The following QKI variants were observed in gnomAD, a reference collection of about 807,000 sequenced individuals.
QKI encodes the protein QKI, KH domain containing RNA binding, also known as KH domain-containing RNA-binding protein QKI.
A neutral mutation model predicts 39.0 loss-of-function variants in QKI; 10 were observed. That is an observed-to-expected ratio of 0.26 (90% confidence interval 0.16 to 0.43). The LOEUF is 0.43. Ranked by LOEUF, QKI falls within the 20% of genes least tolerant of loss-of-function variation. The pLI, the probability that QKI is intolerant of heterozygous loss-of-function variation, is 1.00. For missense variants in QKI, 218 were observed against 428.0 expected (o/e 0.51, Z 4.33); for synonymous variants, 204 against 155.4 (o/e 1.31, Z -2.33).
chr6:163,489,829 T>G (rs141632983), intron 3 of QKI, among the ~76,000 whole-genome samples: 9 of 152,256 alleles, frequency 5.9e-5, no homozygotes, highest in Non-Finnish European at 1.2e-4. Flanking sequence ...ACATATAATT[T>G]TTATGTCTTG....
intron 3 of QKI, among the ~76,000 whole-genome samples, chr6:163,525,738 A>C (rs1475386981): frequency 1.3e-5 from 2 of 152,184 alleles, no homozygotes; most frequent in African/African-American, 4.8e-5. Flanking sequence ...TATTGTATTT[A>C]GCCTTTCTTC....
intron 4 of QKI, among the ~76,000 whole-genome samples, chr6:163,560,633 TG>T (rs1782936064): frequency 6.6e-6 from 1 of 152,170 alleles, no homozygotes; most frequent in Non-Finnish European, 1.5e-5. Flanking sequence ...CTTACATACG[TG>T]TGTAAAGTAG....
intron 1 of QKI, among the ~76,000 whole-genome samples, chr6:163,450,757 C>CA (rs1276154292): frequency 6.6e-6 from 1 of 151,518 alleles, no homozygotes; most frequent in African/African-American, 2.4e-5. Flanking sequence ...AAAGTAAATT[C>CA]AAAAAATTGT....
intron 1 of QKI, among the ~76,000 whole-genome samples, chr6:163,421,659 T>C (rs1788000941): frequency 7.6e-6 from 1 of 131,020 alleles, no homozygotes; most frequent in Admixed American, 7.2e-5. Flanking sequence ...AACACAGGTG[T>C]GTCTTTTAAT....
At chr6:163,534,585 A>G (rs7746116) in intron 3 of QKI, among the ~76,000 whole-genome samples, 99,290 of 151,988 alleles carry the variant, frequency 0.65, 33,547 homozygotes, top group East Asian at 1. Flanking sequence ...CTGTTTACTT[A>G]TAAGTAAAAT....
chr6:163,550,948 CAA>C (rs398003272), intron 4 of QKI, among the ~76,000 whole-genome samples: 3 of 136,398 alleles, frequency 2.2e-5, no homozygotes, highest in African/African-American at 2.7e-5. Flanking sequence ...CTCTGTCTCA[CAA>C]AAAAAAAAAA....
intron 2 of QKI, among the ~76,000 whole-genome samples, chr6:163,460,296 C>G (rs938659615): frequency 1.3e-5 from 2 of 152,114 alleles, no homozygotes; most frequent in Admixed American, 1.3e-4. Flanking sequence ...TCTCTTGGGT[C>G]TAGGCCATCA....
intron 3 of QKI, among the ~76,000 whole-genome samples, chr6:163,492,963 C>G (rs1182157769): frequency 1.3e-5 from 2 of 151,976 alleles, no homozygotes; most frequent in African/African-American, 2.4e-5. Context: ...ATTATGAAAG[C>G]CTTTCACGTT....
chr6:163,521,309 A>G (rs942901828), intron 3 of QKI, among the ~76,000 whole-genome samples: 2 of 152,158 alleles, frequency 1.3e-5, no homozygotes, highest in Non-Finnish European at 2.9e-5. Context: ...ATACCTGTCT[A>G]TATATTTTTC....
chr6:163,535,438 C>T (rs183159471), intron 4 of QKI, among the ~76,000 whole-genome samples: 3 of 152,182 alleles, frequency 2.0e-5, no homozygotes, highest in Admixed American at 1.3e-4. Flanking sequence ...TCTCTTCCCT[C>T]TGCCCCCCTT....
At chr6:163,457,444 T>G (rs1001267381) in intron 2 of QKI, 1 of 456,026 alleles carries the variant, frequency 2.2e-6, no homozygotes, top group Non-Finnish European at 4.4e-6. Flanking sequence ...GGCATTTGTC[T>G]TGATCGGTGA....
chr6:163,489,908 G>GT (rs901607375), intron 3 of QKI, among the ~76,000 whole-genome samples: 1 of 151,968 alleles, frequency 6.6e-6, no homozygotes, highest in African/African-American at 2.4e-5. Context: ...GTGAGAAATG[G>GT]TTTTTTTCTC....
At chr6:163,523,167 T>G (rs917717216) in intron 3 of QKI, among the ~76,000 whole-genome samples, 1 of 152,192 alleles carries the variant, frequency 6.6e-6, no homozygotes, top group Admixed American at 6.5e-5. Context: ...CTGGTTCAGT[T>G]CTTTAGTTTT....
At chr6:163,444,238 A>G (rs1262715448) in intron 1 of QKI, among the ~76,000 whole-genome samples, 1 of 152,212 alleles carries the variant, frequency 6.6e-6, no homozygotes, top group East Asian at 1.9e-4. Context: ...GTAAGAAGAC[A>G]AAGAGATGCA....
chr6:163,511,138 C>T (rs2128235089), intron 3 of QKI, among the ~76,000 whole-genome samples: 1 of 152,112 alleles, frequency 6.6e-6, no homozygotes, highest in South Asian at 2.1e-4. Flanking sequence ...TTTTTGTAAT[C>T]AGTTGGTCAA....
At chr6:163,465,626 CAAA>C (rs35130458) in intron 2 of QKI, among the ~76,000 whole-genome samples, 3 of 95,760 alleles carry the variant, frequency 3.1e-5, no homozygotes, top group Non-Finnish European at 4.5e-5. Flanking sequence ...AAGACTGTCT[CAAA>C]AAAAAAAAAA....
At chr6:163,464,563 T>C (rs1791587646) in intron 2 of QKI, among the ~76,000 whole-genome samples, 2 of 152,114 alleles carry the variant, frequency 1.3e-5, no homozygotes, top group South Asian at 2.1e-4. Flanking sequence ...TGAGTAAATA[T>C]ATGCCAAAAA....
At chr6:163,472,558 A>G (rs574516389) in intron 2 of QKI, among the ~76,000 whole-genome samples, 2 of 152,324 alleles carry the variant, frequency 1.3e-5, no homozygotes, top group South Asian at 4.1e-4. Context: ...CGAAACAGGT[A>G]AAATTTAATC....
chr6:163,471,262 A>G (rs1475288800), intron 2 of QKI, among the ~76,000 whole-genome samples: 1 of 152,152 alleles, frequency 6.6e-6, no homozygotes, highest in African/African-American at 2.4e-5. Context: ...CTTCAAAAAT[A>G]AGACATTTTC....
Sources: gnomAD v4.1 joint callset for allele counts (sites outside exome capture counted in the v4.1 genomes callset) on GRCh38, gnomAD v4.1.1 for gene constraint, MANE v1.5 for transcripts, NCBI Gene and HGNC (gene_info 2026-07-23, HGNC 2026-07-21) for gene names.